Variants in NR1H4 observed in about 807,000 individuals in gnomAD.
NR1H4 encodes nuclear receptor subfamily 1 group H member 4, also known as bile acid receptor.
Under a neutral mutation model 58.5 loss-of-function variants are expected in NR1H4, and 23 were observed. The ratio of observed to expected loss-of-function variants is 0.39; its 90% CI spans 0.28 to 0.56. The LOEUF (loss-of-function observed/expected upper bound fraction) is 0.56. NR1H4 is among the 20% of genes least tolerant of loss of function. NR1H4 has a pLI of 0.58. For synonymous variants in NR1H4, 214 were observed against 198.0 expected (o/e 1.08, Z -0.68); for missense variants, 487 against 576.9 (o/e 0.84, Z 1.60).
chr12:100,490,762 A>G (rs989378268), intron 1 of NR1H4, among the ~76,000 whole-genome samples: 1 of 152,142 alleles, frequency 6.6e-6, no homozygotes, highest in African/African-American at 2.4e-5. Context: ...CAACTAGCTT[A>G]TGAGTATGAA....
chr12:100,558,944 G>A (rs138365208), intron 9 of NR1H4, among the ~76,000 whole-genome samples: 4 of 152,254 alleles, frequency 2.6e-5, no homozygotes, highest in Admixed American at 2.0e-4. Flanking sequence ...TCTACCTCAC[G>A]GGGTTTAGAA....
chr12:100,481,202 G>T (rs760582139), intron 1 of NR1H4, among the ~76,000 whole-genome samples: 19 of 152,034 alleles, frequency 1.2e-4, no homozygotes, highest in Non-Finnish European at 2.2e-4. Context: ...AATTGTGGTG[G>T]CCATCTTTGC....
chr12:100,478,225 C>T (rs1340049767), intron 1 of NR1H4, among the ~76,000 whole-genome samples: 2 of 152,222 alleles, frequency 1.3e-5, no homozygotes, highest in African/African-American at 2.4e-5. Context: ...GCTCTCCATA[C>T]ATTTTGTTCA....
At chr12:100,508,566 A>T (rs11110402) in intron 3 of NR1H4, among the ~76,000 whole-genome samples, 13,629 of 152,078 alleles carry the variant, frequency 0.09, 1,483 homozygotes, top group East Asian at 0.3. Context: ...AGGTAGGAGT[A>T]AAGTTGCTTA....
At chr12:100,546,222 A>G (rs1955066934) in intron 9 of NR1H4, among the ~76,000 whole-genome samples, 1 of 152,146 alleles carries the variant, frequency 6.6e-6, no homozygotes, top group South Asian at 2.1e-4. Context: ...CTTCACGAAA[A>G]ATATTGTTTG....
intron 4 of NR1H4, among the ~76,000 whole-genome samples, chr12:100,513,981 A>G (rs557796070): frequency 3.3e-5 from 5 of 152,368 alleles, no homozygotes; most frequent in African/African-American, 9.6e-5. Flanking sequence ...CAGGAAAGAA[A>G]AAGAACAAAC....
At chr12:100,512,060 C>G (rs1954132877) in intron 4 of NR1H4, among the ~76,000 whole-genome samples, 1 of 151,206 alleles carries the variant, frequency 6.6e-6, no homozygotes, top group Non-Finnish European at 1.5e-5. Flanking sequence ...TGGGAAAACC[C>G]CATCTCTACA....
intron 3 of NR1H4, among the ~76,000 whole-genome samples, chr12:100,497,989 C>A (rs1953752020): frequency 6.6e-6 from 1 of 152,084 alleles, no homozygotes; most frequent in South Asian, 2.1e-4. Flanking sequence ...CACAGTGATT[C>A]CTGATTCACT....
In NR1H4 at chr12:100,563,557, T is replaced by C. The variant is rs1955522541; in HGVS notation, c.*68T>C. ...TATTAATCTGATGTATAACTTTCCTTTATTTCACTTGTACCCAGTTTCACT... is the reference window on the plus strand; with the variant it reads ...TATTAATCTGATGTATAACTTTCCTCTATTTCACTTGTACCCAGTTTCACT... On this transcript the variant is annotated 3_prime_UTR_variant, in exon 11 of 11. Transcript: ENST00000392986. 6 of 1,211,826 alleles carry C rather than the reference T, an allele frequency of 5.0e-6. No homozygotes were observed. The highest frequency in any genetic ancestry group is 1.2e-5 in the South Asian group (1 of 82,260). 75.1% of individuals were successfully genotyped at this position (1,211,826 alleles called of 1,614,324 possible).
Position 100,564,408 on chromosome 12 carries a change from T to C in NR1H4, c.*919T>C, listed in dbSNP as rs1173617501. ...GGTGAATACAATAAAACACCTTCTA[T>C]AAGTAATGGGCGTATATCTCCCTTT... On this transcript the variant is annotated 3_prime_UTR_variant, in exon 11 of 11. Coordinates refer to ENST00000392986, the MANE Select transcript of NR1H4 (RefSeq NM_001206979.2). The C allele has an allele frequency of 6.6e-6, 1 of 152,182 alleles. No individual in the cohort carries two copies. The highest frequency in any genetic ancestry group is 2.4e-5 in the African/African-American group (1 of 41,448). The allele number at this position is 152,182 out of a possible 1,614,324, so 9.4% of individuals were successfully genotyped here.
In NR1H4 at chr12:100,563,630, C is replaced by T. The variant is rs183739751; in HGVS notation, c.*141C>T. 1.4e-6 allele frequency: 1 copy of T among 737,304 alleles called. No homozygotes were observed. The highest frequency in any genetic ancestry group is 2.4e-6 in the Non-Finnish European group (1 of 419,192). 45.7% of individuals were successfully genotyped at this position (737,304 alleles called of 1,614,324 possible). A position where few individuals can be genotyped will look rare whatever the true frequency, so the allele number is the denominator to read the frequency against. On this transcript the variant is annotated 3_prime_UTR_variant, in exon 11 of 11. Coordinates refer to ENST00000392986, the MANE Select transcript of NR1H4 (RefSeq NM_001206979.2). Reference sequence around the variant, plus strand: ...ATGTTGTAATTACATGTGTAACTTCCACAACTGTAAATATTGGGCTAGATA... The same window carrying T: ...ATGTTGTAATTACATGTGTAACTTCTACAACTGTAAATATTGGGCTAGATA...
intron 4 of NR1H4, among the ~76,000 whole-genome samples, chr12:100,532,080 C>G (rs570430045): frequency 9.2e-5 from 14 of 152,258 alleles, no homozygotes; most frequent in African/African-American, 3.1e-4. Context: ...CGTCTTTGTC[C>G]TCAGCCAGCC....
intron 1 of NR1H4, among the ~76,000 whole-genome samples, chr12:100,474,315 T>C (rs1953222531): frequency 1.3e-5 from 2 of 152,256 alleles, no homozygotes; most frequent in African/African-American, 4.8e-5. Context: ...TTTAACATTG[T>C]GGTCACCTGA....
At chr12:100,551,542 G>C (rs1187183173) in intron 9 of NR1H4, among the ~76,000 whole-genome samples, 1 of 152,222 alleles carries the variant, frequency 6.6e-6, no homozygotes, top group African/African-American at 2.4e-5. Context: ...GCTTTTGAAA[G>C]TGGTCACATG....
chr12:100,529,912 T>G (rs1954651847), intron 4 of NR1H4, among the ~76,000 whole-genome samples: 1 of 152,216 alleles, frequency 6.6e-6, no homozygotes, highest in Non-Finnish European at 1.5e-5. Flanking sequence ...TCTACATGGG[T>G]GCAGTGTAAT....
chr12:100,498,579 A>G (rs1953765276), intron 3 of NR1H4, among the ~76,000 whole-genome samples: 1 of 152,094 alleles, frequency 6.6e-6, no homozygotes, highest in Non-Finnish European at 1.5e-5. Flanking sequence ...CGGAGGTTAC[A>G]ATGAGATGGG....
intron 7 of NR1H4, 129 bp downstream of exon 7, chr12:100,536,739 C>G: frequency 1.4e-6 from 1 of 695,424 alleles, no homozygotes; most frequent in Non-Finnish European, 2.5e-6. Context: ...TCAAGTTAGA[C>G]TTTTAAACTC....
intron 9 of NR1H4, among the ~76,000 whole-genome samples, chr12:100,541,763 A>G (rs1406501845): frequency 6.6e-6 from 1 of 151,500 alleles, no homozygotes; most frequent in East Asian, 2.0e-4. Flanking sequence ...CACCCAGCTA[A>G]TTTTTGTATT....
At chr12:100,519,385 G>A (rs568143123) in intron 4 of NR1H4, among the ~76,000 whole-genome samples, 1 of 152,110 alleles carries the variant, frequency 6.6e-6, no homozygotes, top group South Asian at 2.1e-4. Context: ...GGCTGGGTGG[G>A]GCTTGGTGCC....
Sources: allele counts gnomAD v4.1 joint callset (sites outside exome capture counted in the v4.1 genomes callset), GRCh38; gene constraint gnomAD v4.1.1; transcripts MANE v1.5; gene names NCBI Gene and HGNC (gene_info 2026-07-23, HGNC 2026-07-21).